IDH3A: variants seen among roughly 807,000 people sequenced by gnomAD.
IDH3A encodes isocitrate dehydrogenase (NAD(+)) 3 catalytic subunit alpha, also known as isocitrate dehydrogenase [NAD] subunit alpha, mitochondrial.
A neutral mutation model predicts 43.3 loss-of-function variants in IDH3A; 23 were observed. The observed-to-expected ratio is 0.53, with a 90% CI of 0.38 to 0.75. The LOEUF (loss-of-function observed/expected upper bound fraction) is 0.75, where lower values mean the gene tolerates loss of function less well. IDH3A is among the 30% of genes least tolerant of loss of function. The pLI is 0.00. For missense variants in IDH3A, 329 were observed against 474.4 expected (o/e 0.69, Z 2.85); for synonymous variants, 154 against 163.5 (o/e 0.94, Z 0.44).
Position 78,171,384 on chromosome 15 carries a change from C to A in IDH3A, c.*2379C>A. ...GCCCAGACTGAAGAGACCTGGGGCT[C>A]AGGAAGAGGCTCGGAACGCCTGCCC... is the stretch of plus-strand genomic sequence containing the variant. On this transcript the variant is annotated 3_prime_UTR_variant, in exon 11 of 11. Transcript: ENST00000299518. 1 of 1,446,084 alleles carries A rather than the reference C, an allele frequency of 6.9e-7. No homozygotes were observed. The highest frequency in any genetic ancestry group is 9.7e-7 in the Non-Finnish European group (1 of 1,034,962). 89.6% of individuals were successfully genotyped at this position (1,446,084 alleles called of 1,614,324 possible).
At chr15:78,168,827 T>C in intron 10 of IDH3A, 95 bp from the exon 11 acceptor site, 2 of 730,858 alleles carry the variant, frequency 2.7e-6, no homozygotes, top group Middle Eastern at 2.4e-4. Flanking sequence ...GCCGAGTAAC[T>C]TGCCCAGGTG....
intron 8 of IDH3A, among the ~76,000 whole-genome samples, chr15:78,164,484 T>G (rs2074718056): frequency 6.6e-6 from 1 of 151,952 alleles, no homozygotes; most frequent in South Asian, 2.1e-4. Flanking sequence ...GAGTAGTTGG[T>G]ATTATTACAG....
rs1469166583 is a variant in IDH3A at position 78,161,751 on chromosome 15, A to G, written c.460A>G (p.Ser154Gly). ...TCGAGAGAACACAGAAGGAGAATAC[A>G]GTGGAATTGAGCATGTGGTATGTTC... ...TIRENTEGEYSGIEHVIVDGV... is the reference protein window; with the variant it reads ...TIRENTEGEYGGIEHVIVDGV... Residue 154 changes from serine (S) to glycine (G), a missense_variant, in exon 5 of 11, where the codon AGT becomes GGT. By Grantham distance (56) the Ser-to-Gly change is moderately conservative. Around this residue, in one of 3 missense-constraint regions of IDH3A, gnomAD observed 212 missense variants for 345.5 expected, o/e 0.61. Coordinates refer to ENST00000299518, the MANE Select transcript of IDH3A (RefSeq NM_005530.3). The surrounding 1 kb of genome is among the most constrained non-coding windows in gnomAD (Gnocchi z 4.8). 1 of 1,614,112 alleles carries G rather than the reference A, an allele frequency of 6.2e-7. No homozygotes were observed. The highest frequency in any genetic ancestry group is 8.5e-7 in the Non-Finnish European group (1 of 1,179,938).
intron 5 of IDH3A, 25 bp from the exon 6 acceptor site, chr15:78,162,209 C>A: frequency 6.2e-7 from 1 of 1,613,634 alleles, no homozygotes; most frequent in Non-Finnish European, 8.5e-7. Context: ...CTCTTTCCAG[C>A]AAGGTGGGAC....
rs1384521659 is a variant in IDH3A, at chr15:78,170,825, CAAAA to C, written c.*1825_*1828del. 6.6e-6 allele frequency: 1 copy of C among 152,382 alleles called. No homozygotes were observed. Among genetic ancestry groups the C allele is most frequent in the South Asian group, 2.1e-4 (1 of 4,828 alleles). The allele number at this position is 152,382 out of a possible 1,614,324, so 9.4% of individuals were successfully genotyped here. A position where few individuals can be genotyped will look rare whatever the true frequency, so the allele number is the denominator to read the frequency against. On this transcript the variant is annotated 3_prime_UTR_variant, in exon 11 of 11. Coordinates refer to ENST00000299518, the MANE Select transcript of IDH3A (RefSeq NM_005530.3). ...GCACTGGTCCCACCTGCTCAATTGA[CAAAA>C]AAAATCAGGTCCTTGTTGACAGTTC...
rs528072993 is a variant in IDH3A, at chr15:78,169,653, A to G, written c.*648A>G. The G allele has an allele frequency of 1.9e-4, 29 of 152,378 alleles. No individual in the cohort carries two copies. The highest frequency in any genetic ancestry group is 3.1e-4 in the Non-Finnish European group (21 of 68,036). The allele number at this position is 152,378 out of a possible 1,614,324, so 9.4% of individuals were successfully genotyped here. A position where few individuals can be genotyped will look rare whatever the true frequency, so the allele number is the denominator to read the frequency against. On this transcript the variant is annotated 3_prime_UTR_variant, in exon 11 of 11. Transcript: ENST00000299518. ...TTTTTGTTAATAAGACAAAGGTAAT[A>G]TATTGGATACAAAGACACAAATGTA...
chr15:78,170,381 A>C lies in IDH3A; in HGVS notation c.*1376A>C, dbSNP rs1245365633. The C allele has an allele frequency of 3.3e-5, 5 of 151,262 alleles. No homozygotes were observed. Among genetic ancestry groups the C allele is most frequent in the Non-Finnish European group, 5.9e-5 (4 of 67,880 alleles). 9.4% of individuals were successfully genotyped at this position (151,262 alleles called of 1,614,324 possible). On this transcript the variant is annotated 3_prime_UTR_variant, in exon 11 of 11. Coordinates refer to ENST00000299518, the MANE Select transcript of IDH3A (RefSeq NM_005530.3). ...GGGGATTTTTTTTTTTTTAGCAATG[A>C]TATCCCTGTCTGGGTCACTTTTTAA...
intron 8 of IDH3A, 129 bp from the exon 9 acceptor site, chr15:78,164,863 G>A: frequency 1.4e-6 from 1 of 697,100 alleles, no homozygotes; most frequent in Middle Eastern, 3.2e-4. Context: ...CTTTGCCCTG[G>A]AATCAGCCAT....
chr15:78,168,241 G>A (rs2074772972), intron 10 of IDH3A: 1 of 147,124 alleles, frequency 6.8e-6, no homozygotes, highest in East Asian at 1.9e-4. Flanking sequence ...GGGCCACATA[G>A]TGAGACCCCG....
chr15:78,167,368 C>A (rs1182813522), intron 10 of IDH3A: 2 of 152,172 alleles, frequency 1.3e-5, no homozygotes, highest in Non-Finnish European at 2.9e-5. Context: ...CTGGGCCTTA[C>A]CCAACAAGCT....
In IDH3A at chr15:78,163,534, A is replaced by G; in HGVS notation, c.639A>G (p.Gln213=). The change falls in exon 7 of 11, where the codon CAA becomes CAG. Residue 213 remains glutamine, a synonymous_variant. Transcript: ENST00000299518. Reference sequence around the variant, plus strand: ...GGATGTCAGATGGGCTTTTTCTACAAAAATGCAGGGAAGTTGCAGAAAGCT... The same window carrying G: ...GGATGTCAGATGGGCTTTTTCTACAGAAATGCAGGGAAGTTGCAGAAAGCT... The part of the protein sequence containing the change: ...IMRMSDGLFL[Q]KCREVAESCK... 2 of 1,613,216 alleles carry G rather than the reference A, an allele frequency of 1.2e-6. No individual in the cohort carries two copies. Among genetic ancestry groups the G allele is most frequent in the Non-Finnish European group, 8.5e-7 (1 of 1,179,382 alleles).
At chr15:78,149,956 G>C (rs2074560385) in intron 1 of IDH3A, among the ~76,000 whole-genome samples, 1 of 152,248 alleles carries the variant, frequency 6.6e-6, no homozygotes, top group South Asian at 2.1e-4. Flanking sequence ...AGAGAATCCG[G>C]GGGCCCTTTT....
In IDH3A at chr15:78,161,790, T is replaced by C; in HGVS notation, c.477+22T>C. On this transcript the variant is annotated intron_variant, in intron 5 of 10. Transcript: ENST00000299518. The surrounding 1 kb of genome is among the most constrained non-coding windows in gnomAD (Gnocchi z 4.8). The stretch of plus-strand genomic sequence containing the variant: ...TGTGGTATGTTCACTCCAGATTCTT[T>C]TTTATTCCTGCTTGGACTGCTTTCT... The C allele has an allele frequency of 6.2e-7, 1 of 1,601,730 alleles. No homozygotes were observed. The highest frequency in any genetic ancestry group is 8.6e-7 in the Non-Finnish European group (1 of 1,169,166).
chr15:78,171,765 A>G lies in IDH3A; in HGVS notation c.*2760A>G, dbSNP rs2074825845. Reference sequence around the variant, plus strand: ...AGTGGAGTATAGATGAAGGGTTGGTATGTCACCTCTGAGAATAGGTTATAA... The same window carrying G: ...AGTGGAGTATAGATGAAGGGTTGGTGTGTCACCTCTGAGAATAGGTTATAA... On this transcript the variant is annotated 3_prime_UTR_variant, in exon 11 of 11. Coordinates refer to ENST00000299518, the MANE Select transcript of IDH3A (RefSeq NM_005530.3). 2 of 411,474 alleles carry G rather than the reference A, an allele frequency of 4.9e-6. No homozygotes were observed. Among genetic ancestry groups the G allele is most frequent in the Non-Finnish European group, 4.4e-6 (1 of 226,546 alleles). The allele number at this position is 411,474 out of a possible 1,614,324, so 25.5% of individuals were successfully genotyped here. A position where few individuals can be genotyped will look rare whatever the true frequency, so the allele number is the denominator to read the frequency against.
rs558561591 is a variant in IDH3A, at chr15:78,161,375, T to C, written c.290-206T>C. Among the ~76,000 whole-genome samples the C allele has an allele frequency of 1.6e-4, 25 of 152,362 alleles. No individual in the cohort carries two copies. The highest frequency in any genetic ancestry group is 1.1e-3 in the Admixed American group (17 of 15,314). ...ATGTCAAGCACATGATTACAATGCT[T>C]GATCCTCAGGAAGTTCTGAAGATAA... On this transcript the variant is annotated intron_variant, in intron 4 of 10. Coordinates refer to ENST00000299518, the MANE Select transcript of IDH3A (RefSeq NM_005530.3). The surrounding 1 kb of genome is among the most constrained non-coding windows in gnomAD (Gnocchi z 4.8).
chr15:78,157,519 T>C, intron 2 of IDH3A, 29 bp from the exon 3 acceptor site: 1 of 1,507,974 alleles, frequency 6.6e-7, no homozygotes, highest in Non-Finnish European at 9.1e-7. Flanking sequence ...AAATTCTTAC[T>C]GTCTTCTTTG....
chr15:78,163,341 T>G, intron 6 of IDH3A, 166 bp from the exon 7 acceptor site: 1 of 568,440 alleles, frequency 1.8e-6, no homozygotes, highest in Non-Finnish European at 3.1e-6. Context: ...TAAAACATTT[T>G]CAGCTTATAT....
Position 78,171,155 on chromosome 15 carries a change from CA to C in IDH3A, c.*2155del. Reference sequence around the variant, plus strand: ...TTTTTAATCTACCTGGAACTAAGGCCAAAAATTATCAGCCCTTTCGTTCTGG... The same window carrying C: ...TTTTTAATCTACCTGGAACTAAGGCCAAAATTATCAGCCCTTTCGTTCTGG... On this transcript the variant is annotated 3_prime_UTR_variant, in exon 11 of 11. Transcript: ENST00000299518. 1 of 267,934 alleles carries C rather than the reference CA, an allele frequency of 3.7e-6. No individual in the cohort carries two copies. The highest frequency in any genetic ancestry group is 7.2e-6 in the Non-Finnish European group (1 of 138,318). The allele number at this position is 267,934 out of a possible 1,614,324, so 16.6% of individuals were successfully genotyped here. A position where few individuals can be genotyped will look rare whatever the true frequency, so the allele number is the denominator to read the frequency against.
At chr15:78,150,449 T>G (rs1320150983) in intron 1 of IDH3A, among the ~76,000 whole-genome samples, 1 of 152,234 alleles carries the variant, frequency 6.6e-6, no homozygotes, top group Non-Finnish European at 1.5e-5. Flanking sequence ...GATACTACTT[T>G]TCTCCCATTT....
Sources: gnomAD v4.1 joint callset for allele counts (sites outside exome capture counted in the v4.1 genomes callset) on GRCh38, gnomAD v4.1.1 for gene constraint, gnomAD v4.1.1 regional missense constraint, Gnocchi (gnomAD v3.1) non-coding constraint, MANE v1.5 for transcripts, NCBI Gene and HGNC (gene_info 2026-07-23, HGNC 2026-07-21) for gene names.